The following PRRC2A variants were observed in gnomAD, a reference collection of about 807,000 sequenced individuals.
The protein encoded by PRRC2A is protein PRRC2A.
Under a neutral mutation model 224.6 loss-of-function variants are expected in PRRC2A, and 59 were observed. The ratio of observed to expected loss-of-function variants is 0.26; its 90% CI spans 0.21 to 0.33. The LOEUF is 0.33. Ranked by LOEUF, PRRC2A falls within the 10% of genes least tolerant of loss-of-function variation. The probability of loss-of-function intolerance (pLI) is 1.00; values close to 1 mark genes in which losing one functional copy is unlikely to be tolerated. For missense variants in PRRC2A, 3,095 were observed against 2,880.7 expected (o/e 1.07, Z -1.70); for synonymous variants, 1,194 against 1,109.5 (o/e 1.08, Z -1.51).
At chr6:31,633,732 AG>A (rs986852486) in intron 17 of PRRC2A, 85 bp downstream of exon 17, 88 of 1,535,852 alleles carry the variant, frequency 5.7e-5, no homozygotes, top group Non-Finnish European at 7.0e-5. Flanking sequence ...AACCTGGCCT[AG>A]GGACCCTGCT....
chr6:31,635,895 A>G lies in PRRC2A; in HGVS notation c.5542-72A>G, dbSNP rs535724333. The G allele has an allele frequency of 8.4e-5, 123 of 1,468,834 alleles. 2 individuals are homozygous for G. The highest frequency in any genetic ancestry group is 3.5e-4 in the South Asian group (27 of 77,604). 91.0% of individuals were successfully genotyped at this position (1,468,834 alleles called of 1,614,324 possible). ...ATTTTTCTCCCTACTTTTTGCTTCT[A>G]TGGGTGGGATGGTGATCTTTTTTCT... is the stretch of plus-strand genomic sequence containing the variant. On this transcript the variant is annotated intron_variant, in intron 24 of 30. Transcript: ENST00000376033.
In PRRC2A at chr6:31,636,238, C is replaced by T; in HGVS notation, c.5654C>T (p.Pro1885Leu). The change falls in exon 26 of 31, where the codon CCA (proline) becomes CTA (leucine). Residue 1885 changes from proline to leucine, a missense_variant. Around this residue, in one of 8 missense-constraint regions of PRRC2A, gnomAD observed 662 missense variants for 609.5 expected, o/e 1.09. Transcript: ENST00000376033. This position sits in a 1 kb window ranked among gnomAD's most constrained non-coding sequence, Gnocchi z 4.3. The part of the protein sequence containing the change: ...RSQPLYLPPG[P>L]APPSALLSGL... Reference sequence around the variant, plus strand: ...CAGCCCCTATACCTACCCCCCGGCCCAGCCCCTCCCTCAGCACTGCTCTCT... The same window carrying T: ...CAGCCCCTATACCTACCCCCCGGCCTAGCCCCTCCCTCAGCACTGCTCTCT... 1 of 1,612,972 alleles carries T rather than the reference C, an allele frequency of 6.2e-7. No homozygotes were observed. The highest frequency in any genetic ancestry group is 8.5e-7 in the Non-Finnish European group (1 of 1,179,902).
At chr6:31,628,501 G>A (rs1432289012) in intron 12 of PRRC2A, 3 of 599,770 alleles carry the variant, frequency 5.0e-6, no homozygotes, top group African/African-American at 3.7e-5. Flanking sequence ...GGCTTGGGGT[G>A]GAGGATCGCT....
Position 31,630,690 on chromosome 6 carries a change from T to A in PRRC2A, c.2354T>A (p.Val785Glu), listed in dbSNP as rs202013218. The change falls in exon 15 of 31, where the codon GTG (valine) becomes GAG (glutamate). Residue 785 changes from valine to glutamate, a missense_variant. This residue lies in a region of PRRC2A where 2,001 missense variants were observed against 1,764.9 expected (regional missense o/e 1.13). Coordinates refer to ENST00000376033, the MANE Select transcript of PRRC2A (RefSeq NM_004638.4). The part of the protein sequence containing the change: ...AMLRERGTPP[V>E]DPKLAWVGDV... ...TTACGGGAACGGGGCACTCCACCGG[T>A]GGATCCAAAGTTGGCCTGGGTAGGA... The A allele has an allele frequency of 6.2e-6, 10 of 1,614,000 alleles. No homozygotes were observed. Among genetic ancestry groups the A allele is most frequent in the Non-Finnish European group, 7.6e-6 (9 of 1,179,976 alleles).
chr6:31,624,814 T>C, intron 5 of PRRC2A: 1 of 532,840 alleles, frequency 1.9e-6, no homozygotes, highest in South Asian at 2.6e-5. Flanking sequence ...TTTTTTTTTT[T>C]TTGAGACGGA....
At chr6:31,622,579 G>C (rs1324219269) in intron 1 of PRRC2A, 111 bp from the exon 2 acceptor site, 1 of 510,002 alleles carries the variant, frequency 2.0e-6, no homozygotes, top group African/African-American at 2.0e-5. Context: ...GGTTGCTTGA[G>C]AAGAGTGGGC....
chr6:31,626,252 A>C, intron 9 of PRRC2A, 90 bp downstream of exon 9: 1 of 1,444,738 alleles, frequency 6.9e-7, no homozygotes, highest in Non-Finnish European at 9.5e-7. Context: ...GGTGAAAGGC[A>C]GACATTGAAG....
Position 31,631,654 on chromosome 6 carries a change from C to G in PRRC2A, c.2981C>G (p.Pro994Arg). Residue 994 changes from proline to arginine, a missense_variant, in exon 16 of 31, where the codon CCC becomes CGC. By Grantham distance (103) the Pro-to-Arg change is moderately radical. Coordinates refer to ENST00000376033, the MANE Select transcript of PRRC2A (RefSeq NM_004638.4). This position sits in a 1 kb window ranked among gnomAD's most constrained non-coding sequence, Gnocchi z 4.5. ...LKITKGKLGG[P>R]KETPPNGNLS... The stretch of plus-strand genomic sequence containing the variant: ...ATAACCAAGGGGAAGCTAGGGGGCC[C>G]CAAGGAGACCCCACCCAATGGAAAT... 3 of 1,516,404 alleles carry G rather than the reference C, an allele frequency of 2.0e-6. No individual in the cohort carries two copies. In the East Asian group the frequency reaches 6.9e-5, roughly 35 times the overall value. 93.9% of individuals were successfully genotyped at this position (1,516,404 alleles called of 1,614,324 possible).
In PRRC2A at chr6:31,627,766, A is replaced by C; in HGVS notation, c.1292A>C (p.Asp431Ala). 2 of 1,612,012 alleles carry C rather than the reference A, an allele frequency of 1.2e-6. No homozygotes were observed. Among genetic ancestry groups the C allele is most frequent in the Non-Finnish European group, 1.7e-6 (2 of 1,179,408 alleles). The part of the protein sequence containing the change: ...GNWGPPGDYP[D>A]RGGPPCKPPA... ...CTGCTGGGTCTTGCCAATTGACAGG[A>C]TCGTGGGGGTCCTCCCTGCAAGCCC... is the stretch of plus-strand genomic sequence containing the variant. The change falls in exon 12 of 31, where the codon GAT (aspartate) becomes GCT (alanine). Residue 431 changes from aspartate to alanine, a missense_variant and splice_region_variant. Physicochemically the swap from Asp to Ala is moderately radical, Grantham distance 126 (BLOSUM62 -2). Around this residue, in one of 8 missense-constraint regions of PRRC2A, gnomAD observed 2,001 missense variants for 1,764.9 expected, o/e 1.13. Coordinates refer to ENST00000376033, the MANE Select transcript of PRRC2A (RefSeq NM_004638.4). The surrounding 1 kb of genome is among the most constrained non-coding windows in gnomAD (Gnocchi z 5.6).
rs774060229 is a variant in PRRC2A, at chr6:31,636,856, A to G, written c.6058A>G (p.Ser2020Gly). The G allele has an allele frequency of 6.2e-7, 1 of 1,612,796 alleles. No homozygotes were observed. The highest frequency in any genetic ancestry group is 1.1e-5 in the South Asian group (1 of 91,078). ...TGTGGGCCCTGCTCTGCAGCCCCCC[A>G]GCCTGGCTGTGCGGCCCCCACCTGC... is the stretch of plus-strand genomic sequence containing the variant. ...LPVGPALQPPSLAVRPPPAPA... is the reference protein window; with the variant it reads ...LPVGPALQPPGLAVRPPPAPA... Residue 2020 changes from serine to glycine, a missense_variant, in exon 28 of 31, where the codon AGC becomes GGC. Physicochemically the swap from Ser to Gly is moderately conservative, Grantham distance 56. Transcript: ENST00000376033. This position sits in a 1 kb window ranked among gnomAD's most constrained non-coding sequence, Gnocchi z 4.3.
Position 31,625,650 on chromosome 6 carries a change from A to T in PRRC2A, c.759+39A>T, listed in dbSNP as rs1775824241. The T allele has an allele frequency of 6.2e-7, 1 of 1,605,588 alleles. No homozygotes were observed. Among genetic ancestry groups the T allele is most frequent in the African/African-American group, 1.3e-5 (1 of 74,786 alleles). Reference sequence around the variant, plus strand: ...TCTTGTCTTGGAACGATTACACTGGAAGCTGGAGAGCTAGGAATCAGGACT... The same window carrying T: ...TCTTGTCTTGGAACGATTACACTGGTAGCTGGAGAGCTAGGAATCAGGACT... On this transcript the variant is annotated intron_variant, in intron 7 of 30. Transcript: ENST00000376033. This position sits in a 1 kb window ranked among gnomAD's most constrained non-coding sequence, Gnocchi z 4.1.
intron 2 of PRRC2A, 22 bp from the exon 3 acceptor site, chr6:31,623,710 C>G: frequency 6.2e-7 from 1 of 1,612,064 alleles, no homozygotes; most frequent in Non-Finnish European, 8.5e-7. Flanking sequence ...ATTTTCGACC[C>G]TCTCTCCGTC....
chr6:31,623,686 C>T, intron 2 of PRRC2A, 46 bp from the exon 3 acceptor site: 2 of 1,594,708 alleles, frequency 1.3e-6, no homozygotes, highest in Non-Finnish European at 1.7e-6. Flanking sequence ...GCCATCAGAT[C>T]TCCCACATGA....
intron 15 of PRRC2A, 32 bp downstream of exon 15, chr6:31,630,833 C>T: frequency 5.0e-6 from 8 of 1,607,982 alleles, no homozygotes; most frequent in Non-Finnish European, 6.8e-6. Flanking sequence ...TGGGTGAGTT[C>T]ACAGTGAAAG....
chr6:31,631,919 C>T lies in PRRC2A; in HGVS notation c.3246C>T (p.Arg1082=). Residue 1082 remains arginine (R), a synonymous_variant, in exon 16 of 31, where the codon CGC becomes CGT. Coordinates refer to ENST00000376033, the MANE Select transcript of PRRC2A (RefSeq NM_004638.4). The surrounding 1 kb of genome is among the most constrained non-coding windows in gnomAD (Gnocchi z 4.5). ...ACCACCCTCCTGCTCCCCGAGGCCG[C>T]ACTGCCAGCGAGACACGGAGCGAGG... The part of the protein sequence containing the change: ...GPNHPPAPRG[R]TASETRSEGS... 2 of 1,612,818 alleles carry T rather than the reference C, an allele frequency of 1.2e-6. No homozygotes were observed. The highest frequency in any genetic ancestry group is 1.7e-6 in the Non-Finnish European group (2 of 1,179,930).
In PRRC2A at chr6:31,632,523, C is replaced by T; in HGVS notation, c.3850C>T (p.Pro1284Ser). The T allele has an allele frequency of 1.9e-6, 3 of 1,609,654 alleles. No individual in the cohort carries two copies. Among genetic ancestry groups the T allele is most frequent in the Non-Finnish European group, 2.5e-6 (3 of 1,177,754 alleles). Reference protein sequence around the residue: ...KPSLTLPASAPGPEEALTTVT... With the variant: ...KPSLTLPASASGPEEALTTVT... Reference sequence around the variant, plus strand: ...CTCCCTAACCCTTCCAGCCTCCGCTCCTGGACCTGAGGAGGCCCTCACAAC... The same window carrying T: ...CTCCCTAACCCTTCCAGCCTCCGCTTCTGGACCTGAGGAGGCCCTCACAAC... Residue 1284 changes from proline to serine, a missense_variant, in exon 16 of 31, where the codon CCT (proline) becomes TCT (serine). By Grantham distance (74) the Pro-to-Ser change is moderately conservative. This residue lies in a region of PRRC2A where 2,001 missense variants were observed against 1,764.9 expected (regional missense o/e 1.13). Coordinates refer to ENST00000376033, the MANE Select transcript of PRRC2A (RefSeq NM_004638.4).
chr6:31,622,031 A>C (rs1275554367), intron 1 of PRRC2A, among the ~76,000 whole-genome samples: 1 of 152,222 alleles, frequency 6.6e-6, no homozygotes, highest in African/African-American at 2.4e-5. Context: ...CCAGGAGCCA[A>C]TACAGGAGCA....
At position 31,632,543 on chromosome 6, in the gene PRRC2A, C is replaced by A. The variant is rs754200548; in HGVS notation, c.3870C>A (p.Leu1290=). The A allele has an allele frequency of 6.2e-7, 1 of 1,611,066 alleles. No homozygotes were observed. ...CCGCTCCTGGACCTGAGGAGGCCCT[C>A]ACAACAGTCACAGTGGCCCCAGCAC... ...PASAPGPEEA[L]TTVTVAPAPR... The change falls in exon 16 of 31, where the codon CTC becomes CTA. Residue 1290 remains leucine, a synonymous_variant. Transcript: ENST00000376033.
At position 31,626,850 on chromosome 6, in the gene PRRC2A, G is replaced by T; in HGVS notation, c.1061G>T (p.Gly354Val). Residue 354 changes from glycine to valine, a missense_variant, in exon 10 of 31, where the codon GGT (glycine) becomes GTT (valine). Gly to Val is a moderately radical substitution (Grantham distance 109, BLOSUM62 -3). Transcript: ENST00000376033. ...GATGGGCGAGACTCTGATGAGGAGG[G>T]TGCTGAGGGCCAGTGAGTTAGGGCC... ...EEDGRDSDEE[G>V]AEGHRDSQSA... is the part of the protein sequence containing the mutation. The T allele has an allele frequency of 1.2e-6, 2 of 1,608,952 alleles. No homozygotes were observed. The highest frequency in any genetic ancestry group is 1.7e-6 in the Non-Finnish European group (2 of 1,177,802).
Sources: allele counts gnomAD v4.1 joint callset (sites outside exome capture counted in the v4.1 genomes callset), GRCh38; gene constraint gnomAD v4.1.1; regional missense constraint gnomAD v4.1.1; non-coding constraint Gnocchi (gnomAD v3.1); transcripts MANE v1.5; gene names NCBI Gene and HGNC (gene_info 2026-07-23, HGNC 2026-07-21).